The following PXDNL variants were observed in gnomAD, a reference collection of about 807,000 sequenced individuals.
PXDNL encodes peroxidasin like.
A neutral mutation model predicts 150.8 loss-of-function variants in PXDNL; 145 were observed. The observed-to-expected ratio is 0.96, with a 90% confidence interval of 0.84 to 1.10. PXDNL has a LOEUF of 1.10. Among genes scored for constraint, PXDNL ranks in the 50% least tolerant of loss-of-function variants. The pLI, the probability that PXDNL is intolerant of heterozygous loss-of-function variation, is 0.00. For synonymous variants in PXDNL, 757 were observed against 725.7 expected (o/e 1.04, Z -0.69); for missense variants, 2,087 against 1,873.9 (o/e 1.11, Z -2.10).
At chr8:51,488,487 A>T (rs989452233) in intron 5 of PXDNL, among the ~76,000 whole-genome samples, 1 of 152,252 alleles carries the variant, frequency 6.6e-6, no homozygotes, top group Admixed American at 6.5e-5. Context: ...TTATTGACAT[A>T]CTGATAGATG....
intron 5 of PXDNL, among the ~76,000 whole-genome samples, chr8:51,495,371 C>T (rs1191206676): frequency 6.6e-6 from 1 of 151,958 alleles, no homozygotes; most frequent in Non-Finnish European, 1.5e-5. Flanking sequence ...ATTAAAAGAA[C>T]TAGAAAAGCA....
chr8:51,769,046 G>A (rs776854897), intron 1 of PXDNL, among the ~76,000 whole-genome samples: 19 of 152,226 alleles, frequency 1.2e-4, no homozygotes, highest in Non-Finnish European at 1.8e-4. Flanking sequence ...AGCTTGCAGC[G>A]AGCTGAGTTT....
chr8:51,403,763 G>T (rs188286045), intron 17 of PXDNL, among the ~76,000 whole-genome samples: 1 of 152,146 alleles, frequency 6.6e-6, no homozygotes, highest in Non-Finnish European at 1.5e-5. Flanking sequence ...CTTCATCTCC[G>T]ATGTTATGGT....
intron 1 of PXDNL, among the ~76,000 whole-genome samples, chr8:51,671,199 A>T (rs915635491): frequency 6.6e-6 from 1 of 152,212 alleles, no homozygotes; most frequent in African/African-American, 2.4e-5. Context: ...TTTGGAAGAG[A>T]TCGACAGATA....
intron 1 of PXDNL, among the ~76,000 whole-genome samples, chr8:51,707,312 T>C (rs112631956): frequency 0.035 from 5,325 of 152,260 alleles, 296 homozygotes; most frequent in African/African-American, 0.12. Context: ...TTTTAAATCT[T>C]TCAGGGGAAT....
intron 1 of PXDNL, among the ~76,000 whole-genome samples, chr8:51,701,970 A>G (rs1816267500): frequency 6.6e-6 from 1 of 152,236 alleles, no homozygotes; most frequent in South Asian, 2.1e-4. Context: ...CCATTAATCA[A>G]CTTATTTTTT....
At chr8:51,590,507 C>G (rs1813420503) in intron 3 of PXDNL, among the ~76,000 whole-genome samples, 2 of 152,172 alleles carry the variant, frequency 1.3e-5, no homozygotes, top group Admixed American at 1.3e-4. Context: ...GGGTCGTGGC[C>G]ACCTGAGGCT....
intron 1 of PXDNL, among the ~76,000 whole-genome samples, chr8:51,801,860 T>C (rs2037624696): frequency 6.6e-6 from 1 of 152,208 alleles, no homozygotes. Flanking sequence ...GTTGAACTGG[T>C]AAGCTGTTGG....
chr8:51,498,894 G>A (rs1811117443), intron 5 of PXDNL, among the ~76,000 whole-genome samples: 1 of 152,120 alleles, frequency 6.6e-6, no homozygotes, highest in East Asian at 1.9e-4. Context: ...CATCCGTGTT[G>A]CAGTATAGTA....
chr8:51,472,864 A>G (rs1315260722), intron 7 of PXDNL, among the ~76,000 whole-genome samples: 3 of 152,224 alleles, frequency 2.0e-5, no homozygotes, highest in Non-Finnish European at 4.4e-5. Context: ...TTGATTTTGT[A>G]ATGAATCAGG....
At chr8:51,470,954 G>A (rs557634250) in intron 8 of PXDNL, among the ~76,000 whole-genome samples, 1 of 151,860 alleles carries the variant, frequency 6.6e-6, no homozygotes, top group African/African-American at 2.4e-5. Flanking sequence ...AACATGAAAA[G>A]CAATGGCAAC....
At chr8:51,761,169 G>A (rs752875478) in intron 1 of PXDNL, among the ~76,000 whole-genome samples, 31 of 151,742 alleles carry the variant, frequency 2.0e-4, no homozygotes, top group South Asian at 6.3e-4. Context: ...CACCGCGGCC[G>A]GCCTGAAATC....
intron 1 of PXDNL, among the ~76,000 whole-genome samples, chr8:51,756,020 A>G (rs183723420): frequency 2.0e-5 from 3 of 152,344 alleles, no homozygotes; most frequent in Admixed American, 2.0e-4. Flanking sequence ...TCATTATCCT[A>G]GGATAAAACT....
chr8:51,402,412 G>A (rs1044589032), intron 17 of PXDNL, among the ~76,000 whole-genome samples: 8 of 151,970 alleles, frequency 5.3e-5, no homozygotes, highest in East Asian at 1.9e-4. Flanking sequence ...CCAGCTACTC[G>A]GGAGGCTGAG....
chr8:51,320,179 T>C (rs1484068656), intron 22 of PXDNL, among the ~76,000 whole-genome samples, 157 bp from the exon 23 acceptor site: 1 of 152,224 alleles, frequency 6.6e-6, no homozygotes, highest in Non-Finnish European at 1.5e-5. Flanking sequence ...ATGGTTTCTA[T>C]TCATTCTTTC....
intron 1 of PXDNL, among the ~76,000 whole-genome samples, chr8:51,735,034 G>A (rs1817004455): frequency 6.6e-6 from 1 of 152,190 alleles, no homozygotes; most frequent in Non-Finnish European, 1.5e-5. Flanking sequence ...ATTGCTAAGA[G>A]AGTATACTTT....
intron 3 of PXDNL, among the ~76,000 whole-genome samples, chr8:51,580,301 AACTGG>A (rs1813178513): frequency 6.6e-6 from 1 of 152,112 alleles, no homozygotes; most frequent in East Asian, 1.9e-4. Context: ...CATCAGTAGA[AACTGG>A]ATAAATAGTA....
intron 2 of PXDNL, among the ~76,000 whole-genome samples, chr8:51,593,454 T>G (rs1279581704): frequency 6.6e-6 from 1 of 152,218 alleles, no homozygotes; most frequent in African/African-American, 2.4e-5. Context: ...GGCACACATG[T>G]TCCTGAATAT....
chr8:51,665,180 G>A (rs1815356864), intron 1 of PXDNL, among the ~76,000 whole-genome samples: 2 of 152,178 alleles, frequency 1.3e-5, no homozygotes, highest in Non-Finnish European at 2.9e-5. Context: ...GGGAACCCCT[G>A]TGCTCCCCTA....
Sources: allele counts gnomAD v4.1 joint callset (sites outside exome capture counted in the v4.1 genomes callset), GRCh38; gene constraint gnomAD v4.1.1; transcripts MANE v1.5; gene names NCBI Gene and HGNC (gene_info 2026-07-23, HGNC 2026-07-21).